Variants in RANBP17 observed in about 807,000 individuals in gnomAD.
RANBP17 encodes RAN binding protein 17, also known as ran-binding protein 17.
In RANBP17, 158 loss-of-function variants were observed where a neutral mutation model predicts 141.2. The observed-to-expected ratio is 1.12, with a 90% CI of 0.98 to 1.28. The LOEUF is 1.28. Among genes scored for constraint, RANBP17 ranks in the 50% most tolerant of loss-of-function variants. RANBP17 has a pLI of 0.00. For synonymous variants in RANBP17, 430 were observed against 450.0 expected, an observed-to-expected ratio of 0.96 and a Z score of 0.56; for missense variants, 1,438 against 1,290.7, an observed-to-expected ratio of 1.11 and a Z score of -1.75.
intron 16 of RANBP17, among the ~76,000 whole-genome samples, chr5:171,174,834 A>T (rs1421356154): frequency 6.7e-6 from 1 of 150,178 alleles, no homozygotes; most frequent in African/African-American, 2.5e-5. Context: ...AAGTTCTGGG[A>T]TACATGTGCA....
At chr5:170,978,788 G>A in intron 14 of RANBP17, among the ~76,000 whole-genome samples, 1 of 102,898 alleles carries the variant, frequency 9.7e-6, no homozygotes, top group South Asian at 7.2e-4. Context: ...GCTTAAATGA[G>A]TGTATACATA....
rs1235344857 is a variant in RANBP17 at position 170,911,410 on chromosome 5, T to G, written c.760+276T>G. 4.1e-5 allele frequency: 24 copies of G among 587,342 alleles called. No homozygotes were observed. In the South Asian group the frequency reaches 4.3e-4, roughly 11 times the overall value. 36.4% of individuals were successfully genotyped at this position (587,342 alleles called of 1,614,324 possible). A position where few individuals can be genotyped will look rare whatever the true frequency, so the allele number is the denominator to read the frequency against. On this transcript the variant is annotated intron_variant, in intron 7 of 27. Coordinates refer to ENST00000523189, the MANE Select transcript of RANBP17 (RefSeq NM_022897.5). ...TGGGAGGAAAGTCAAGAGCTATGAT[T>G]TGAAACTTTCAGACTTTCAGATAAA...
chr5:171,252,552 A>G (rs1765641561), intron 24 of RANBP17: 2 of 1,397,546 alleles, frequency 1.4e-6, no homozygotes, highest in African/African-American at 1.4e-5. Context: ...AACGGAGGAA[A>G]GTTTAAAAAC....
intron 12 of RANBP17, among the ~76,000 whole-genome samples, chr5:170,930,074 T>G (rs1405980315): frequency 6.6e-6 from 1 of 152,158 alleles, no homozygotes; most frequent in Non-Finnish European, 1.5e-5. Flanking sequence ...CCAACTAGAT[T>G]TTCATCACTT....
chr5:171,248,032 C>T (rs1006399719), intron 24 of RANBP17, among the ~76,000 whole-genome samples: 23 of 152,080 alleles, frequency 1.5e-4, no homozygotes, highest in Non-Finnish European at 7.4e-5. Context: ...TCTTATACCT[C>T]GAATAGAACA....
chr5:171,093,379 T>A (rs1786454254), intron 14 of RANBP17, among the ~76,000 whole-genome samples: 1 of 152,166 alleles, frequency 6.6e-6, no homozygotes, highest in Non-Finnish European at 1.5e-5. Flanking sequence ...TCAGTTACAT[T>A]TACTAAGTTG....
intron 5 of RANBP17, among the ~76,000 whole-genome samples, chr5:170,902,679 G>A (rs1409437111): frequency 6.6e-6 from 1 of 152,194 alleles, no homozygotes; most frequent in Non-Finnish European, 1.5e-5. Context: ...GGTCTTTGAT[G>A]TTGGTGATCT....
In RANBP17 at chr5:171,194,164, G is replaced by A. The variant is rs374252665; in HGVS notation, c.2039-5506G>A. On this transcript the variant is annotated intron_variant, in intron 18 of 27. Transcript: ENST00000523189. ...TCACTGTTTTGTGTACATTTCGGAG[G>A]GGGAGCAAACCCAGATTTTTGTTGT... Among the ~76,000 whole-genome samples, 195 of 152,198 alleles carry A rather than the reference G, an allele frequency of 1.3e-3. 9 individuals carry two copies. The South Asian group carries it at 0.039, about 31-fold the overall frequency.
Position 170,953,975 on chromosome 5 carries a change from A to G in RANBP17, c.1574+273A>G, listed in dbSNP as rs114079266. Among the ~76,000 whole-genome samples, 463 of 152,308 alleles carry G rather than the reference A, an allele frequency of 3.0e-3. 2 individuals are homozygous for G. The highest frequency in any genetic ancestry group is 9.8e-3 in the African/African-American group (406 of 41,576). ...CTTTTTATTACTTAGGATGTGAGCAAGCACATACAGTTGGTGTGTATTGGA... is the reference window on the plus strand; with the variant it reads ...CTTTTTATTACTTAGGATGTGAGCAGGCACATACAGTTGGTGTGTATTGGA... On this transcript the variant is annotated intron_variant, in intron 13 of 27. Coordinates refer to ENST00000523189, the MANE Select transcript of RANBP17 (RefSeq NM_022897.5).
At chr5:171,152,738 G>A (rs2127836024) in intron 14 of RANBP17, among the ~76,000 whole-genome samples, 1 of 152,218 alleles carries the variant, frequency 6.6e-6, no homozygotes, top group Non-Finnish European at 1.5e-5. Flanking sequence ...CATATTTGCT[G>A]TTAAAACTTA....
intron 22 of RANBP17, among the ~76,000 whole-genome samples, chr5:171,234,061 A>AC (rs1287882298): frequency 6.6e-6 from 1 of 151,936 alleles, no homozygotes; most frequent in East Asian, 1.9e-4. Flanking sequence ...GTAAAAAAAA[A>AC]AAAAAAATAC....
chr5:171,033,047 T>TCACCCC (rs569700894), intron 14 of RANBP17, among the ~76,000 whole-genome samples: 2 of 151,372 alleles, frequency 1.3e-5, no homozygotes, highest in Non-Finnish European at 2.9e-5. Flanking sequence ...AAGATTTTTT[T>TCACCCC]CACCCCCACC....
chr5:171,178,753 G>A (rs1760688353), intron 16 of RANBP17, among the ~76,000 whole-genome samples: 2 of 152,132 alleles, frequency 1.3e-5, no homozygotes, highest in South Asian at 4.2e-4. Flanking sequence ...GTTTTGATTT[G>A]CATTTCTCTA....
intron 16 of RANBP17, among the ~76,000 whole-genome samples, chr5:171,175,128 C>T (rs1760361179): frequency 6.6e-6 from 1 of 152,134 alleles, no homozygotes; most frequent in African/African-American, 2.4e-5. Context: ...AGAACATGAA[C>T]TCATCCTTTT....
intron 14 of RANBP17, among the ~76,000 whole-genome samples, chr5:171,120,484 C>T (rs1395445902): frequency 6.6e-6 from 1 of 152,224 alleles, no homozygotes; most frequent in Non-Finnish European, 1.5e-5. Context: ...ATTCTTTCTT[C>T]TCCTTGGTCT....
chr5:171,288,202 C>T (rs903959685), intron 25 of RANBP17, among the ~76,000 whole-genome samples: 5 of 152,098 alleles, frequency 3.3e-5, no homozygotes, highest in Admixed American at 2.0e-4. Flanking sequence ...CTATAAAAGC[C>T]TTAGGTGGGA....
intron 14 of RANBP17, among the ~76,000 whole-genome samples, chr5:171,149,192 C>A (rs911856865): frequency 1.3e-5 from 2 of 152,250 alleles, no homozygotes; most frequent in Admixed American, 1.3e-4. Context: ...CCAACATCCA[C>A]TGTTAGCATC....
intron 14 of RANBP17, chr5:170,968,826 T>C: frequency 2.4e-6 from 1 of 409,316 alleles, no homozygotes; most frequent in Non-Finnish European, 4.7e-6. Context: ...GGAGACTGCA[T>C]ATAACCTTAA....
chr5:171,034,090 C>CA (rs1292016168), intron 14 of RANBP17, among the ~76,000 whole-genome samples: 1 of 151,926 alleles, frequency 6.6e-6, no homozygotes, highest in Non-Finnish European at 1.5e-5. Context: ...CCAGCCTGGG[C>CA]AAGAGTGAGA....
Sources: gnomAD v4.1 joint callset for allele counts (sites outside exome capture counted in the v4.1 genomes callset) on GRCh38, gnomAD v4.1.1 for gene constraint, MANE v1.5 for transcripts, NCBI Gene and HGNC (gene_info 2026-07-23, HGNC 2026-07-21) for gene names.